CSMD1: variants seen among roughly 807,000 people sequenced by gnomAD.
The protein encoded by CSMD1 is CUB and sushi domain-containing protein 1.
Under a neutral mutation model 417.5 loss-of-function variants are expected in CSMD1, and 213 were observed. That is an observed-to-expected ratio of 0.51 (90% CI 0.46 to 0.57). CSMD1 has a LOEUF of 0.57. CSMD1 is among the 20% of genes least tolerant of loss of function. CSMD1 has a pLI of 0.00. For synonymous variants in CSMD1, 2,862 were observed against 1,736.8 expected (o/e 1.65, Z -16.11); for missense variants, 6,923 against 4,529.7 (o/e 1.53, Z -15.17).
chr8:3,966,443 C>A (rs1282071047), intron 5 of CSMD1, among the ~76,000 whole-genome samples: 4 of 152,016 alleles, frequency 2.6e-5, no homozygotes, highest in African/African-American at 9.7e-5. Flanking sequence ...TAATTACCTA[C>A]ATATATTTTT....
At chr8:3,072,277 A>G (rs565744906) in intron 49 of CSMD1, among the ~76,000 whole-genome samples, 43 of 152,210 alleles carry the variant, frequency 2.8e-4, no homozygotes, top group Non-Finnish European at 2.8e-4. Flanking sequence ...AAGCTGACCA[A>G]ACTAGGAGTA....
At chr8:4,128,595 C>A (rs1802904460) in intron 3 of CSMD1, among the ~76,000 whole-genome samples, 1 of 152,150 alleles carries the variant, frequency 6.6e-6, no homozygotes, top group Non-Finnish European at 1.5e-5. Context: ...CCTTCAAAGA[C>A]CATTGTTACA....
chr8:4,165,339 G>C (rs1306473195), intron 3 of CSMD1, among the ~76,000 whole-genome samples: 2 of 152,226 alleles, frequency 1.3e-5, no homozygotes, highest in Non-Finnish European at 2.9e-5. Context: ...CAAACACGTG[G>C]TGTCCCACAA....
At chr8:4,422,976 C>G (rs924364027) in intron 2 of CSMD1, among the ~76,000 whole-genome samples, 1 of 151,486 alleles carries the variant, frequency 6.6e-6, no homozygotes, top group Non-Finnish European at 1.5e-5. Flanking sequence ...CAATAATAAT[C>G]ATTGAACATG....
At chr8:3,855,042 C>T (rs576849475) in intron 5 of CSMD1, among the ~76,000 whole-genome samples, 10 of 152,216 alleles carry the variant, frequency 6.6e-5, no homozygotes, top group South Asian at 2.1e-4. Flanking sequence ...CATGCATATG[C>T]AGAGAGCTTG....
At chr8:3,497,506 G>A (rs938923383) in intron 10 of CSMD1, among the ~76,000 whole-genome samples, 2 of 152,134 alleles carry the variant, frequency 1.3e-5, no homozygotes, top group East Asian at 3.9e-4. Flanking sequence ...CTGGGTTTAA[G>A]CAATTCTCAT....
intron 1 of CSMD1, among the ~76,000 whole-genome samples, chr8:4,954,351 G>GT (rs1808946967): frequency 6.6e-6 from 1 of 152,184 alleles, no homozygotes; most frequent in African/African-American, 2.4e-5. Context: ...ATTTCCATTT[G>GT]TAACTCTAAA....
intron 2 of CSMD1, among the ~76,000 whole-genome samples, chr8:4,589,205 G>C (rs1799864884): frequency 6.6e-6 from 1 of 152,066 alleles, no homozygotes; most frequent in African/African-American, 2.4e-5. Flanking sequence ...CCTTATCAGA[G>C]TTATGTAAAA....
intron 11 of CSMD1, chr8:3,469,113 T>C (rs1411327203): frequency 3.8e-6 from 1 of 265,060 alleles, no homozygotes; most frequent in African/African-American, 2.2e-5. Context: ...CCGAGAGGCT[T>C]CCCCAGGTGC....
chr8:3,530,646 C>A (rs1797940948), intron 10 of CSMD1, among the ~76,000 whole-genome samples: 1 of 151,342 alleles, frequency 6.6e-6, no homozygotes, highest in Non-Finnish European at 1.5e-5. Flanking sequence ...CTCAGCTTCT[C>A]AAGTAGCTAG....
Position 4,246,659 on chromosome 8 carries a change from A to T in CSMD1, c.415+173294T>A, listed in dbSNP as rs186024327. ...TTCTGCAAATGCTGAGGCAAGCAAA[A>T]GAAACAAAAAACAACTTAACCCATT... On this transcript the variant is annotated intron_variant, in intron 3 of 69. Coordinates refer to ENST00000635120, the MANE Select transcript of CSMD1 (RefSeq NM_033225.6). 5.3e-5 allele frequency among the ~76,000 whole-genome samples: 8 copies of T among 152,322 alleles called. No individual in the cohort carries two copies. The East Asian group carries it at 1.5e-3, about 29-fold the overall frequency.
At chr8:4,105,838 C>T (rs1801540668) in intron 3 of CSMD1, among the ~76,000 whole-genome samples, 1 of 152,190 alleles carries the variant, frequency 6.6e-6, no homozygotes, top group African/African-American at 2.4e-5. Flanking sequence ...TTGCTGAGGC[C>T]ATGACCCTCT....
intron 3 of CSMD1, among the ~76,000 whole-genome samples, chr8:4,038,183 T>C (rs1197519663): frequency 6.6e-6 from 1 of 152,166 alleles, no homozygotes; most frequent in Non-Finnish European, 1.5e-5. Context: ...ATTGGGGATT[T>C]TTATCTTCAA....
chr8:4,543,761 G>A (rs752644141), intron 2 of CSMD1, among the ~76,000 whole-genome samples: 6 of 148,768 alleles, frequency 4.0e-5, no homozygotes, highest in Non-Finnish European at 7.4e-5. Context: ...GCTAATGACT[G>A]AGAGTTCCAG....
chr8:3,069,111 T>G (rs1401115196), intron 49 of CSMD1, among the ~76,000 whole-genome samples: 4 of 152,036 alleles, frequency 2.6e-5, no homozygotes, highest in Non-Finnish European at 4.4e-5. Context: ...TGGGCAAACT[T>G]TCCCATTCCA....
intron 35 of CSMD1, 101 bp from the exon 36 acceptor site, chr8:3,188,066 A>G: frequency 6.4e-6 from 3 of 465,688 alleles, no homozygotes; most frequent in Non-Finnish European, 1.1e-5. Flanking sequence ...GTGTATATGT[A>G]TATATATATA....
rs74559620 is a variant in CSMD1 at position 4,597,127 on chromosome 8, A to G, written c.302+40215T>C. 4.6e-3 allele frequency among the ~76,000 whole-genome samples: 697 copies of G among 151,508 alleles called. 2 individuals are homozygous for G. The highest frequency in any genetic ancestry group is 0.016 in the African/African-American group (675 of 41,286). On this transcript the variant is annotated intron_variant, in intron 2 of 69. Coordinates refer to ENST00000635120, the MANE Select transcript of CSMD1 (RefSeq NM_033225.6). ...AACACACAATTTTTTTTTTTCTAGC[A>G]TTTGCAGCTAACAAAAGCAGTTTCC...
intron 5 of CSMD1, among the ~76,000 whole-genome samples, chr8:3,839,003 A>C (rs1269436130): frequency 7.9e-6 from 1 of 127,204 alleles, no homozygotes; most frequent in Non-Finnish European, 1.6e-5. Context: ...TAATTATAAT[A>C]TTATATATTT....
intron 1 of CSMD1, among the ~76,000 whole-genome samples, chr8:4,946,574 T>G (rs1808383168): frequency 6.6e-6 from 1 of 152,138 alleles, no homozygotes; most frequent in Admixed American, 6.5e-5. Context: ...TCTGTATAAG[T>G]GAATAGAACA....
Sources: allele counts gnomAD v4.1 joint callset (sites outside exome capture counted in the v4.1 genomes callset), GRCh38; gene constraint gnomAD v4.1.1; transcripts MANE v1.5; gene names NCBI Gene and HGNC (gene_info 2026-07-23, HGNC 2026-07-21).